The following ELF5 variants were observed in gnomAD, a reference collection of about 807,000 sequenced individuals.
The protein encoded by ELF5 is E74 like ETS transcription factor 5.
ELF5 carries 31 observed loss-of-function variants against 38.2 expected under a neutral mutation model. That is an observed-to-expected ratio of 0.81 (90% confidence interval 0.61 to 1.10). ELF5 has a LOEUF of 1.10. ELF5 is among the 50% of genes least tolerant of loss of function. The pLI, the probability that ELF5 is intolerant of heterozygous loss-of-function variation, is 0.00. For missense variants in ELF5, 300 were observed against 306.6 expected (o/e 0.98, Z 0.16); for synonymous variants, 121 against 112.5 (o/e 1.08, Z -0.48).
At chr11:34,501,997 TTTG>T (rs1204094061) in intron 2 of ELF5, among the ~76,000 whole-genome samples, 2 of 152,144 alleles carry the variant, frequency 1.3e-5, no homozygotes, top group African/African-American at 4.8e-5. Context: ...GAGATGGAGT[TTTG>T]TTGTTATTTT....
At chr11:34,508,520 A>T (rs1322571481) in intron 1 of ELF5, among the ~76,000 whole-genome samples, 3 of 150,460 alleles carry the variant, frequency 2.0e-5, no homozygotes, top group Non-Finnish European at 4.5e-5. Flanking sequence ...AATAAAAAAT[A>T]AAAAATAAAA....
intron 4 of ELF5, among the ~76,000 whole-genome samples, chr11:34,484,581 T>C (rs1482716349): frequency 3.3e-5 from 5 of 152,080 alleles, no homozygotes; most frequent in Admixed American, 3.3e-4. Context: ...CTGTCACTGC[T>C]GAATGAAGGA....
intron 4 of ELF5, among the ~76,000 whole-genome samples, chr11:34,488,811 C>A (rs1461042638): frequency 6.6e-6 from 1 of 152,206 alleles, no homozygotes; most frequent in Non-Finnish European, 1.5e-5. Context: ...AAAGCAAATG[C>A]CTGCCTGTGG....
At chr11:34,512,255 ATTTGC>A in intron 1 of ELF5, among the ~76,000 whole-genome samples, 1 of 122,056 alleles carries the variant, frequency 8.2e-6, no homozygotes, top group South Asian at 2.4e-4. Flanking sequence ...GTGAGAACCA[ATTTGC>A]TGACCTCTTG....
chr11:34,507,252 T>C (rs1850634038), intron 1 of ELF5, among the ~76,000 whole-genome samples: 2 of 152,206 alleles, frequency 1.3e-5, no homozygotes, highest in African/African-American at 2.4e-5. Flanking sequence ...TGTGGACCTG[T>C]GGTAATTGCA....
At chr11:34,481,922 T>C (rs7941147) in intron 5 of ELF5, among the ~76,000 whole-genome samples, 16,679 of 152,234 alleles carry the variant, frequency 0.11, 1,720 homozygotes, top group African/African-American at 0.27. Context: ...ATAGCAATTG[T>C]TTTCTACACA....
At chr11:34,486,107 G>A (rs1201709655) in intron 4 of ELF5, among the ~76,000 whole-genome samples, 1 of 152,146 alleles carries the variant, frequency 6.6e-6, no homozygotes, top group African/African-American at 2.4e-5. Flanking sequence ...AAGCTGGGGT[G>A]GGGGCCTGAG....
At chr11:34,487,285 C>T (rs1480761851) in intron 4 of ELF5, among the ~76,000 whole-genome samples, 5 of 152,188 alleles carry the variant, frequency 3.3e-5, no homozygotes, top group Non-Finnish European at 7.4e-5. Context: ...GTTCTAGGCT[C>T]CCAAATGGAG....
At chr11:34,502,909 G>A (rs115449012) in intron 2 of ELF5, among the ~76,000 whole-genome samples, 282 of 152,280 alleles carry the variant, frequency 1.9e-3, no homozygotes, top group African/African-American at 6.5e-3. Flanking sequence ...ATGGAAATGC[G>A]GAAGCCTCTG....
At chr11:34,485,575 G>A (rs1040364035) in intron 4 of ELF5, among the ~76,000 whole-genome samples, 14 of 152,248 alleles carry the variant, frequency 9.2e-5, no homozygotes, top group African/African-American at 3.4e-4. Flanking sequence ...TGTTTTGGAT[G>A]AAGGGGATCT....
At chr11:34,512,314 C>A (rs11032732) in intron 1 of ELF5, among the ~76,000 whole-genome samples, 15 of 152,014 alleles carry the variant, frequency 9.9e-5, no homozygotes, top group Non-Finnish European at 2.1e-4. Context: ...AGGGAGTTTG[C>A]GTGTTTGTTT....
At chr11:34,486,492 T>C (rs1161375819) in intron 4 of ELF5, among the ~76,000 whole-genome samples, 6 of 152,002 alleles carry the variant, frequency 3.9e-5, no homozygotes, top group African/African-American at 1.5e-4. Context: ...CTTGAGGAGT[T>C]TCCAGGCCTT....
rs1856900973 is a variant in ELF5, at chr11:34,480,188, C to T, written c.*30G>A. On this transcript the variant is annotated 3_prime_UTR_variant, in exon 7 of 7. Coordinates refer to ENST00000257832, the MANE Select transcript of ELF5 (RefSeq NM_001422.4). ...TCTGATTGTTTTAAAAGACAGAAAT[C>T]CATAAAATGAGCTTGATGCCTGGAG... 6.4e-7 allele frequency: 1 copy of T among 1,569,094 alleles called. No individual in the cohort carries two copies. Among genetic ancestry groups the T allele is most frequent in the African/African-American group, 1.4e-5 (1 of 73,794 alleles).
chr11:34,499,605 G>T (rs959168754), intron 2 of ELF5, among the ~76,000 whole-genome samples: 29 of 152,228 alleles, frequency 1.9e-4, no homozygotes, highest in African/African-American at 7.0e-4. Flanking sequence ...GGTTCTAAAA[G>T]AAGTTTGAGC....
intron 3 of ELF5, among the ~76,000 whole-genome samples, chr11:34,491,047 C>T (rs1850159636): frequency 6.6e-6 from 1 of 152,170 alleles, no homozygotes; most frequent in Admixed American, 6.5e-5. Flanking sequence ...TTACAACCCC[C>T]TTCCAGCTCC....
intron 2 of ELF5, 102 bp from the exon 3 acceptor site, chr11:34,493,814 C>T (rs1382965262): frequency 9.7e-7 from 1 of 1,034,816 alleles, no homozygotes; most frequent in Non-Finnish European, 1.4e-6. Flanking sequence ...ATTCCTCAGC[C>T]AATAAGTTGA....
chr11:34,510,693 T>G (rs748959645), intron 1 of ELF5, among the ~76,000 whole-genome samples: 5 of 152,120 alleles, frequency 3.3e-5, no homozygotes, highest in African/African-American at 4.8e-5. Flanking sequence ...ATCAAAAAAC[T>G]GAGTTATTAA....
chr11:34,491,837 A>G, intron 3 of ELF5: 1 of 152,144 alleles, frequency 6.6e-6, no homozygotes, highest in Non-Finnish European at 1.5e-5. Flanking sequence ...CAGCCTCCCA[A>G]AGTATTGGGA....
chr11:34,488,921 C>T (rs1217269281), intron 4 of ELF5, among the ~76,000 whole-genome samples: 1 of 152,326 alleles, frequency 6.6e-6, no homozygotes, highest in East Asian at 1.9e-4. Flanking sequence ...CTGGGATTTA[C>T]ATCCCCCAGG....
Sources: allele counts gnomAD v4.1 joint callset (sites outside exome capture counted in the v4.1 genomes callset), GRCh38; gene constraint gnomAD v4.1.1; transcripts MANE v1.5; gene names NCBI Gene and HGNC (gene_info 2026-07-23, HGNC 2026-07-21).